DDX1: variants seen among roughly 807,000 people sequenced by gnomAD.
DDX1 encodes the protein DEAD-box helicase 1.
Under a neutral mutation model 108.7 loss-of-function variants are expected in DDX1, and 28 were observed. The ratio of observed to expected loss-of-function variants is 0.26; its 90% confidence interval spans 0.19 to 0.35. The LOEUF is 0.35. Ranked by LOEUF, DDX1 falls within the 10% of genes least tolerant of loss-of-function variation. The pLI, the probability that DDX1 is intolerant of heterozygous loss-of-function variation, is 1.00. For missense variants in DDX1, 710 were observed against 884.5 expected (o/e 0.80, Z 2.50); for synonymous variants, 295 against 288.9 (o/e 1.02, Z -0.21).
Position 15,617,263 on chromosome 2 carries a change from C to A in DDX1, c.1037C>A (p.Thr346Asn). The A allele has an allele frequency of 6.3e-7, 1 of 1,587,954 alleles. No homozygotes were observed. The highest frequency in any genetic ancestry group is 8.6e-7 in the Non-Finnish European group (1 of 1,164,194). ...LENGVDIVVG[T>N]PGRLDDLVST... ...TTTCAGGTAGATATAGTTGTAGGTA[C>A]TCCGGGAAGACTAGATGACTTGGTG... Residue 346 changes from threonine to asparagine, a missense_variant, in exon 15 of 26, where the codon ACT becomes AAT. Around this residue, in one of 3 missense-constraint regions of DDX1, gnomAD observed 661 missense variants for 810.2 expected, o/e 0.82. Coordinates refer to ENST00000233084, the MANE Select transcript of DDX1 (RefSeq NM_004939.3).
chr2:15,619,353 G>C (rs1665952776), intron 16 of DDX1, among the ~76,000 whole-genome samples: 1 of 152,226 alleles, frequency 6.6e-6, no homozygotes, highest in African/African-American at 2.4e-5. Flanking sequence ...GAGTGGTGGA[G>C]ACTCTGGGCC....
chr2:15,596,884 T>C, intron 4 of DDX1, 121 bp downstream of exon 4: 1 of 728,116 alleles, frequency 1.4e-6, no homozygotes, highest in Non-Finnish European at 2.3e-6. Context: ...AGGAATTAAT[T>C]ACTTGCTACT....
intron 13 of DDX1, among the ~76,000 whole-genome samples, chr2:15,612,889 C>G (rs1047094415): frequency 4.1e-5 from 6 of 147,884 alleles, no homozygotes; most frequent in South Asian, 2.4e-4. Flanking sequence ...TGCCTGCAAT[C>G]GCAGGCACTC....
chr2:15,606,052 A>G (rs763524739), intron 11 of DDX1, 26 bp downstream of exon 11: 5 of 1,569,966 alleles, frequency 3.2e-6, no homozygotes, highest in Non-Finnish European at 4.3e-6. Context: ...GTTAGAAAAA[A>G]TTTGCTGTGG....
At chr2:15,610,547 G>A (rs1307673817) in intron 13 of DDX1, among the ~76,000 whole-genome samples, 1 of 152,000 alleles carries the variant, frequency 6.6e-6, no homozygotes, top group Admixed American at 6.6e-5. Flanking sequence ...ACACAAAAGG[G>A]TACTGTGAAA....
chr2:15,609,213 G>C lies in DDX1; in HGVS notation c.956+1900G>C, dbSNP rs114002071. ...AAAATGCTAGTGTGAATTGATTTTT[G>C]TGCTGTGATTATGTATAAAAATGAA... is the stretch of plus-strand genomic sequence containing the variant. On this transcript the variant is annotated intron_variant, in intron 13 of 25. Transcript: ENST00000233084. Among the ~76,000 whole-genome samples the C allele has an allele frequency of 7.7e-3, 1,166 of 152,314 alleles. 15 individuals are homozygous for C. The highest frequency in any genetic ancestry group is 0.027 in the African/African-American group (1,108 of 41,564).
intron 10 of DDX1, 106 bp downstream of exon 10, chr2:15,604,615 C>G: frequency 2.7e-6 from 2 of 727,764 alleles, no homozygotes; most frequent in Non-Finnish European, 4.8e-6. Flanking sequence ...CCCTCCCTCC[C>G]TGCCTTTACT....
chr2:15,608,696 G>A (rs184597663), intron 13 of DDX1, among the ~76,000 whole-genome samples: 30 of 104,052 alleles, frequency 2.9e-4, no homozygotes, highest in Middle Eastern at 8.6e-3. Flanking sequence ...ATGAAGTCTC[G>A]CTATGTTGCC....
intron 10 of DDX1, 151 bp from the exon 11 acceptor site, chr2:15,605,799 A>G: frequency 1.9e-6 from 1 of 516,912 alleles, no homozygotes; most frequent in Non-Finnish European, 3.4e-6. Context: ...AGTAAAGTAA[A>G]AAAATGAAGA....
intron 3 of DDX1, 79 bp downstream of exon 3, chr2:15,595,632 C>A (rs1341802808): frequency 1.0e-6 from 1 of 980,080 alleles, no homozygotes; most frequent in Non-Finnish European, 1.7e-6. Context: ...TGCTACTTTA[C>A]CTTTATTCAC....
intron 13 of DDX1, among the ~76,000 whole-genome samples, chr2:15,612,142 C>A (rs1391485139): frequency 1.0e-3 from 136 of 133,406 alleles, no homozygotes; most frequent in African/African-American, 3.8e-3. Context: ...GGGGGGCTGA[C>A]CCCCCCCACC....
intron 1 of DDX1, among the ~76,000 whole-genome samples, chr2:15,593,628 G>A (rs1012060796): frequency 2.6e-5 from 4 of 152,176 alleles, no homozygotes; most frequent in Admixed American, 2.6e-4. Context: ...TCCGTATGCA[G>A]TAAGAACACA....
chr2:15,607,400 G>C, intron 13 of DDX1, 87 bp downstream of exon 13: 1 of 1,235,388 alleles, frequency 8.1e-7, no homozygotes, highest in Non-Finnish European at 1.2e-6. Flanking sequence ...AAATGAAGTA[G>C]AAATTCAGTG....
At position 15,623,449 on chromosome 2, in the gene DDX1, A is replaced by C; in HGVS notation, c.1461A>C (p.Glu487Asp). The C allele has an allele frequency of 5.6e-6, 9 of 1,613,502 alleles. No individual in the cohort carries two copies. Among genetic ancestry groups the C allele is most frequent in the Non-Finnish European group, 7.6e-6 (9 of 1,179,664 alleles). Residue 487 changes from glutamate (E) to aspartate (D), a missense_variant, in exon 19 of 26, where the codon GAA becomes GAC. By Grantham distance (45) the Glu-to-Asp change is conservative. This residue lies in a region of DDX1 where 661 missense variants were observed against 810.2 expected (regional missense o/e 0.82). Transcript: ENST00000233084. The stretch of plus-strand genomic sequence containing the variant: ...ATGATATTCAAGAGATGTGGTCTGA[A>C]GCTATTAAAATCCTGAAAGGGGAGT... The part of the protein sequence containing the change: ...PGANSPEMWS[E>D]AIKILKGEYA...
chr2:15,613,336 G>T (rs1310126419), intron 14 of DDX1, 52 bp downstream of exon 14: 14 of 1,244,032 alleles, frequency 1.1e-5, no homozygotes, highest in Non-Finnish European at 1.6e-5. Flanking sequence ...TGTCGTTTTA[G>T]CAATACAGCT....
At chr2:15,610,284 T>C (rs1206774902) in intron 13 of DDX1, among the ~76,000 whole-genome samples, 1 of 152,234 alleles carries the variant, frequency 6.6e-6, no homozygotes, top group Non-Finnish European at 1.5e-5. Flanking sequence ...AAATCCAATT[T>C]ATCTGTTTTT....
chr2:15,608,298 G>T (rs375417741), intron 13 of DDX1, among the ~76,000 whole-genome samples: 2 of 152,258 alleles, frequency 1.3e-5, no homozygotes, highest in Admixed American at 6.5e-5. Context: ...GGGGGCCGAG[G>T]TGGGCGGTCA....
chr2:15,621,044 T>G (rs2148747797), intron 17 of DDX1, 21 bp from the exon 18 acceptor site: 1 of 1,567,076 alleles, frequency 6.4e-7, no homozygotes, highest in Middle Eastern at 1.7e-4. Context: ...CTATCCTGTT[T>G]TTATTCCTTG....
At chr2:15,629,798 TATAAG>T in intron 24 of DDX1, 101 bp downstream of exon 24, 1 of 1,088,504 alleles carries the variant, frequency 9.2e-7, no homozygotes, top group South Asian at 1.7e-5. Context: ...GTTTGTCACT[TATAAG>T]GGAAAGTCGT....
Sources: allele counts gnomAD v4.1 joint callset (sites outside exome capture counted in the v4.1 genomes callset), GRCh38; gene constraint gnomAD v4.1.1; regional missense constraint gnomAD v4.1.1; transcripts MANE v1.5; gene names NCBI Gene and HGNC (gene_info 2026-07-23, HGNC 2026-07-21).